Variants in SYT1 observed in about 807,000 individuals in gnomAD.
SYT1 encodes synaptotagmin-1.
A neutral mutation model predicts 44.8 loss-of-function variants in SYT1; 8 were observed. That is an observed-to-expected ratio of 0.18 (90% CI 0.10 to 0.32). SYT1 has a LOEUF of 0.32. Among genes scored for constraint, SYT1 ranks in the 10% least tolerant of loss-of-function variants. The pLI, the probability that SYT1 is intolerant of heterozygous loss-of-function variation, is 1.00. For missense variants in SYT1, 286 were observed against 509.3 expected, an observed-to-expected ratio of 0.56 and a Z score of 4.22; for synonymous variants, 154 against 188.8, an observed-to-expected ratio of 0.82 and a Z score of 1.51.
intron 3 of SYT1, among the ~76,000 whole-genome samples, chr12:79,200,516 A>G (rs1873718969): frequency 1.3e-5 from 2 of 152,136 alleles, no homozygotes; most frequent in Non-Finnish European, 2.9e-5. Flanking sequence ...TCAAAAGGGT[A>G]TGAAAGAGTA....
At chr12:79,063,262 T>G (rs1457763469) in intron 3 of SYT1, among the ~76,000 whole-genome samples, 4 of 152,176 alleles carry the variant, frequency 2.6e-5, no homozygotes, top group African/African-American at 9.7e-5. Context: ...ATTACTAGTT[T>G]ATGCTTCTAT....
At chr12:79,428,311 G>A (rs903088064) in intron 9 of SYT1, among the ~76,000 whole-genome samples, 5 of 152,216 alleles carry the variant, frequency 3.3e-5, no homozygotes, top group African/African-American at 1.2e-4. Context: ...ACTCTCAAAG[G>A]GTGGAGAGTC....
At chr12:78,998,041 T>C (rs973106673) in intron 2 of SYT1, among the ~76,000 whole-genome samples, 2 of 152,136 alleles carry the variant, frequency 1.3e-5, no homozygotes, top group African/African-American at 2.4e-5. Flanking sequence ...CCAGATCAGG[T>C]TTTGGTAGAT....
chr12:78,944,379 A>G (rs1878545815), intron 1 of SYT1, among the ~76,000 whole-genome samples: 1 of 151,890 alleles, frequency 6.6e-6, no homozygotes, highest in Non-Finnish European at 1.5e-5. Context: ...GTAAGTTACT[A>G]CAAACAACTT....
chr12:79,361,916 T>C (rs1463528089), intron 9 of SYT1, among the ~76,000 whole-genome samples: 2 of 152,182 alleles, frequency 1.3e-5, no homozygotes, highest in Admixed American at 6.5e-5. Context: ...TGTGATATTA[T>C]TGGGAGAGGG....
At chr12:79,167,921 A>C (rs544377001) in intron 3 of SYT1, among the ~76,000 whole-genome samples, 3 of 151,948 alleles carry the variant, frequency 2.0e-5, no homozygotes, top group African/African-American at 7.2e-5. Context: ...GATCCCTCAC[A>C]TGTGCAGTCT....
chr12:78,899,014 T>G (rs942694080), intron 1 of SYT1, among the ~76,000 whole-genome samples: 1 of 152,108 alleles, frequency 6.6e-6, no homozygotes, highest in Non-Finnish European at 1.5e-5. Context: ...TTAGTGAGTG[T>G]CTACTATTTG....
intron 4 of SYT1, among the ~76,000 whole-genome samples, chr12:79,270,834 A>C (rs1243160305): frequency 6.6e-6 from 1 of 152,220 alleles, no homozygotes; most frequent in African/African-American, 2.4e-5. Context: ...ACTTGAGCTT[A>C]AGAACATGGC....
chr12:79,138,963 C>T (rs1869379416), intron 3 of SYT1, among the ~76,000 whole-genome samples: 1 of 152,148 alleles, frequency 6.6e-6, no homozygotes, highest in African/African-American at 2.4e-5. Flanking sequence ...TCCAAAATTT[C>T]CTGATGAACA....
chr12:78,939,683 C>T (rs979898260), intron 1 of SYT1, among the ~76,000 whole-genome samples: 5 of 152,158 alleles, frequency 3.3e-5, no homozygotes, highest in Admixed American at 6.5e-5. Context: ...TCACTTTCTG[C>T]ACTTACCAAG....
At chr12:79,103,652 T>C (rs1431724541) in intron 3 of SYT1, among the ~76,000 whole-genome samples, 1 of 152,140 alleles carries the variant, frequency 6.6e-6, no homozygotes, top group African/African-American at 2.4e-5. Context: ...TAAGTAGTTA[T>C]AATATTAGAT....
At chr12:78,965,702 C>T (rs1337774596) in intron 1 of SYT1, among the ~76,000 whole-genome samples, 2 of 152,068 alleles carry the variant, frequency 1.3e-5, no homozygotes, top group African/African-American at 2.4e-5. Context: ...GAGCCAAGAT[C>T]GGTCTCCAGG....
chr12:79,175,836 T>C (rs1871824463), intron 3 of SYT1, among the ~76,000 whole-genome samples: 1 of 152,050 alleles, frequency 6.6e-6, no homozygotes. Context: ...TACATTAATA[T>C]TGCTTCTAAG....
intron 2 of SYT1, among the ~76,000 whole-genome samples, chr12:79,041,510 T>A (rs921588154): frequency 6.6e-6 from 1 of 152,118 alleles, no homozygotes; most frequent in Non-Finnish European, 1.5e-5. Context: ...CTTATCAGCT[T>A]AAGGAGATTT....
At chr12:79,257,175 C>G (rs1877568059) in intron 4 of SYT1, among the ~76,000 whole-genome samples, 1 of 152,172 alleles carries the variant, frequency 6.6e-6, no homozygotes, top group African/African-American at 2.4e-5. Flanking sequence ...AAGACAATAA[C>G]TCAATTTCAG....
At position 79,145,761 on chromosome 12, in the gene SYT1, G is replaced by T. The variant is rs1043757467; in HGVS notation, c.-17-71742G>T. On this transcript the variant is annotated intron_variant, in intron 3 of 10. Transcript: ENST00000261205. ...GGTTTTTTTTTTTTTTTGTTTGTTTGTTTGTTTGTTTTTTGAGACGGAGTC... is the reference window on the plus strand; with the variant it reads ...GGTTTTTTTTTTTTTTTGTTTGTTTTTTTGTTTGTTTTTTGAGACGGAGTC... 8.2e-4 allele frequency among the ~76,000 whole-genome samples: 108 copies of T among 130,968 alleles called. 1 individual carries two copies. Among genetic ancestry groups the T allele is most frequent in the African/African-American group, 2.3e-3 (73 of 31,164 alleles). The allele number at this position is 130,968 out of a possible 152,430, so 85.9% of individuals were successfully genotyped here.
At chr12:79,333,252 C>T (rs1282723251) in intron 8 of SYT1, among the ~76,000 whole-genome samples, 1 of 152,142 alleles carries the variant, frequency 6.6e-6, no homozygotes, top group Non-Finnish European at 1.5e-5. Flanking sequence ...ATGAAGTCCG[C>T]TTACTGGCTC....
intron 4 of SYT1, among the ~76,000 whole-genome samples, chr12:79,222,979 T>G (rs1418714842): frequency 6.6e-6 from 1 of 152,218 alleles, no homozygotes; most frequent in Non-Finnish European, 1.5e-5. Context: ...GAATACTTTT[T>G]TATTATTTAA....
intron 8 of SYT1, among the ~76,000 whole-genome samples, chr12:79,333,681 G>A (rs1054884181): frequency 6.7e-6 from 1 of 150,340 alleles, no homozygotes; most frequent in East Asian, 1.9e-4. Context: ...TATTCTACTG[G>A]CATTAAACTA....
Sources: gnomAD v4.1 joint callset for allele counts (sites outside exome capture counted in the v4.1 genomes callset) on GRCh38, gnomAD v4.1.1 for gene constraint, MANE v1.5 for transcripts, NCBI Gene and HGNC (gene_info 2026-07-23, HGNC 2026-07-21) for gene names.